HAUS6: variants seen among roughly 807,000 people sequenced by gnomAD.
HAUS6 encodes HAUS augmin like complex subunit 6.
A neutral mutation model predicts 106.8 loss-of-function variants in HAUS6; 80 were observed. The observed-to-expected ratio is 0.75, with a 90% CI of 0.63 to 0.90. HAUS6 has a LOEUF of 0.90. Among genes scored for constraint, HAUS6 ranks in the 40% least tolerant of loss-of-function variants. The pLI, the probability that HAUS6 is intolerant of heterozygous loss-of-function variation, is 0.00. For synonymous variants in HAUS6, 356 were observed against 379.1 expected, an observed-to-expected ratio of 0.94 and a Z score of 0.71; for missense variants, 1,155 against 1,118.1, an observed-to-expected ratio of 1.03 and a Z score of -0.47.
chr9:19,080,487 T>A lies in HAUS6; in HGVS notation c.1056A>T (p.Lys352Asn). 1.2e-6 allele frequency: 2 copies of A among 1,601,892 alleles called. No homozygotes were observed. The highest frequency in any genetic ancestry group is 1.1e-5 in the South Asian group (1 of 90,800). ...KFQKERLSDL[K>N]HMRYRIKDDL... Reference sequence around the variant, plus strand: ...AGATCTTTTTAGTGTACCTCATATGTTTCAGATCTGATAATCTTTCCTTCT... The same window carrying A: ...AGATCTTTTTAGTGTACCTCATATGATTCAGATCTGATAATCTTTCCTTCT... The change falls in exon 9 of 17, where the codon AAA becomes AAT. Residue 352 changes from lysine to asparagine, a missense_variant. By Grantham distance (94) the Lys-to-Asn change is moderately conservative. Coordinates refer to ENST00000380502, the MANE Select transcript of HAUS6 (RefSeq NM_017645.5).
At position 19,053,338 on chromosome 9, in the gene HAUS6, G is replaced by A. The variant is rs1836397461; in HGVS notation, c.*3005C>T. 6.6e-6 allele frequency: 1 copy of A among 152,114 alleles called. No individual in the cohort carries two copies. Among genetic ancestry groups the A allele is most frequent in the African/African-American group, 2.4e-5 (1 of 41,444 alleles). The allele number at this position is 152,114 out of a possible 1,614,324, so 9.4% of individuals were successfully genotyped here. A position where few individuals can be genotyped will look rare whatever the true frequency, so the allele number is the denominator to read the frequency against. On this transcript the variant is annotated 3_prime_UTR_variant, in exon 17 of 17. Transcript: ENST00000380502. Reference sequence around the variant, plus strand: ...TCAATGCTTTTACATTGAGGAAAACGTCATTAAACGTATTTTAATTTTAGT... The same window carrying A: ...TCAATGCTTTTACATTGAGGAAAACATCATTAAACGTATTTTAATTTTAGT...
intron 11 of HAUS6, among the ~76,000 whole-genome samples, chr9:19,072,926 C>T (rs9406758): frequency 2.6e-5 from 4 of 151,474 alleles, no homozygotes. Context: ...ATGAACTAAC[C>T]CTCCCTGGAT....
At position 19,074,508 on chromosome 9, in the gene HAUS6, G is replaced by A. The variant is rs556359402; in HGVS notation, c.1294+2094C>T. 1.1e-4 allele frequency among the ~76,000 whole-genome samples: 16 copies of A among 152,210 alleles called. No individual in the cohort carries two copies. In the East Asian group the frequency reaches 3.1e-3, roughly 30 times the overall value. ...GCTGGTCTCGAACTCCTGGGCTTAA[G>A]CAATCTTCCACCCTAGGCTTCCCAA... On this transcript the variant is annotated intron_variant, in intron 11 of 16. Transcript: ENST00000380502.
chr9:19,092,082 T>C (rs1817761765), intron 4 of HAUS6, among the ~76,000 whole-genome samples: 1 of 152,110 alleles, frequency 6.6e-6, no homozygotes, highest in African/African-American at 2.4e-5. Context: ...CCTATCAGAC[T>C]GAAAAGATTA....
At position 19,083,011 on chromosome 9, in the gene HAUS6, C is replaced by T. The variant is rs185455264; in HGVS notation, c.732G>A (p.Thr244=). Residue 244 remains threonine, a synonymous_variant, in exon 8 of 17, where the codon ACG becomes ACA. Coordinates refer to ENST00000380502, the MANE Select transcript of HAUS6 (RefSeq NM_017645.5). The part of the protein sequence containing the change: ...VRSLWASVNE[T]LMFLEKEREV... Reference sequence around the variant, plus strand: ...CTCTCTCTTTTTCCAAAAACATGAGCGTTTCATTCACTGAAGCCCACAAAG... The same window carrying T: ...CTCTCTCTTTTTCCAAAAACATGAGTGTTTCATTCACTGAAGCCCACAAAG... 121 of 1,588,184 alleles carry T rather than the reference C, an allele frequency of 7.6e-5. No homozygotes were observed. The Admixed American group carries it at 7.8e-4, about 10-fold the overall frequency.
chr9:19,083,695 G>C (rs35553284), intron 7 of HAUS6, among the ~76,000 whole-genome samples: 2 of 151,160 alleles, frequency 1.3e-5, no homozygotes, highest in African/African-American at 2.4e-5. Flanking sequence ...CCAGCTACTC[G>C]GGAGGCTGAG....
At chr9:19,070,445 C>T (rs923014641) in intron 11 of HAUS6, 145 bp from the exon 12 acceptor site, 2 of 608,394 alleles carry the variant, frequency 3.3e-6, no homozygotes, top group Admixed American at 3.0e-5. Context: ...CATAATTATT[C>T]AATTGATAAG....
At chr9:19,099,638 A>G (rs1001730345) in intron 1 of HAUS6, among the ~76,000 whole-genome samples, 3 of 152,144 alleles carry the variant, frequency 2.0e-5, no homozygotes, top group African/African-American at 7.2e-5. Context: ...GCCTAATTGC[A>G]TTTTTAAGAG....
chr9:19,086,714 C>A lies in HAUS6; in HGVS notation c.699+20G>T. On this transcript the variant is annotated intron_variant, in intron 7 of 16. Coordinates refer to ENST00000380502, the MANE Select transcript of HAUS6 (RefSeq NM_017645.5). ...CAGAATTTTAAAAGATTAAATTTCT[C>A]CTTTTATAAGTTGTCTCACCTTTTG... 9.3e-7 allele frequency: 1 copy of A among 1,077,242 alleles called. No individual in the cohort carries two copies. The highest frequency in any genetic ancestry group is 1.3e-5 in the South Asian group (1 of 75,762). The allele number at this position is 1,077,242 out of a possible 1,614,324, so 66.7% of individuals were successfully genotyped here.
Position 19,087,751 on chromosome 9 carries a change from G to A in HAUS6, c.585-595C>T, listed in dbSNP as rs111720867. Among the ~76,000 whole-genome samples, 655 of 145,336 alleles carry A rather than the reference G, an allele frequency of 4.5e-3. 8 individuals are homozygous for A. Among genetic ancestry groups the A allele is most frequent in the Non-Finnish European group, 7.6e-3 (511 of 67,050 alleles). ...ACGCCTGTACTCCCAGCTACAGTGGGAAGATCACTTGAGCCCAGGAGGTCA... is the reference window on the plus strand; with the variant it reads ...ACGCCTGTACTCCCAGCTACAGTGGAAAGATCACTTGAGCCCAGGAGGTCA... On this transcript the variant is annotated intron_variant, in intron 5 of 16. Transcript: ENST00000380502.
intron 11 of HAUS6, among the ~76,000 whole-genome samples, chr9:19,074,808 C>T (rs954256308): frequency 6.6e-6 from 1 of 152,170 alleles, no homozygotes; most frequent in Non-Finnish European, 1.5e-5. Context: ...TTTATTCATT[C>T]ATTCCTTATC....
chr9:19,063,828 T>G (rs1376095340), intron 12 of HAUS6: 1 of 670,072 alleles, frequency 1.5e-6, no homozygotes, highest in Admixed American at 1.8e-5. Flanking sequence ...TCAACAATAT[T>G]TTGATTTGAA....
rs1176742265 is a variant in HAUS6, at chr9:19,055,204, C to CT, written c.*1138dup. On this transcript the variant is annotated 3_prime_UTR_variant, in exon 17 of 17. Transcript: ENST00000380502. ...TCTTTCCTTGCCAGTTTTTTGGGGG[C>CT]TAGTGGACAAGATTTTGATGGTAGT... The CT allele has an allele frequency of 2.0e-5, 3 of 152,110 alleles. No homozygotes were observed. The highest frequency in any genetic ancestry group is 7.2e-5 in the African/African-American group (3 of 41,426). The allele number at this position is 152,110 out of a possible 1,614,324, so 9.4% of individuals were successfully genotyped here. A position where few individuals can be genotyped will look rare whatever the true frequency, so the allele number is the denominator to read the frequency against.
At chr9:19,101,775 T>C (rs1423922064) in intron 1 of HAUS6, among the ~76,000 whole-genome samples, 1 of 151,868 alleles carries the variant, frequency 6.6e-6, no homozygotes, top group Non-Finnish European at 1.5e-5. Flanking sequence ...CAAAAATTGG[T>C]TGGGCGTGGT....
chr9:19,070,287 T>C lies in HAUS6; in HGVS notation c.1308A>G (p.Gln436=), dbSNP rs762879353. 1.1e-5 allele frequency: 17 copies of C among 1,583,226 alleles called. No individual in the cohort carries two copies. In the African/African-American group the frequency reaches 1.3e-4, roughly 13 times the overall value. The change falls in exon 12 of 17, where the codon CAA becomes CAG. Residue 436 remains glutamine (Q), a synonymous_variant. Transcript: ENST00000380502. ...YPASLPDAHK[Q]HNQENGCRGD... ...CTCTGCAACCATTTTCTTGGTTATGTTGCTTATGTGCATCTAAAGAAATTT... is the reference window on the plus strand; with the variant it reads ...CTCTGCAACCATTTTCTTGGTTATGCTGCTTATGTGCATCTAAAGAAATTT...
chr9:19,061,228 T>C (rs1836610763), intron 14 of HAUS6, among the ~76,000 whole-genome samples: 1 of 152,108 alleles, frequency 6.6e-6, no homozygotes, highest in Non-Finnish European at 1.5e-5. Flanking sequence ...AAAAAGGGCT[T>C]CTCCCTCAAG....
At chr9:19,096,589 A>AAAAT in intron 2 of HAUS6, 85 bp downstream of exon 2, 1 of 500,044 alleles carries the variant, frequency 2.0e-6, no homozygotes, top group Non-Finnish European at 3.6e-6. Flanking sequence ...AAAAAAAAAA[A>AAAAT]GGAGAGAATT....
intron 12 of HAUS6, among the ~76,000 whole-genome samples, chr9:19,067,598 A>C (rs1029348721): frequency 2.0e-5 from 3 of 152,190 alleles, no homozygotes; most frequent in African/African-American, 7.2e-5. Flanking sequence ...TCCTATATTA[A>C]GAGTTTCCAT....
At chr9:19,092,301 A>C (rs9407939) in intron 4 of HAUS6, among the ~76,000 whole-genome samples, 37,378 of 150,940 alleles carry the variant, frequency 0.25, 4,700 homozygotes, top group Non-Finnish European at 0.28. Flanking sequence ...TAAAAAAAAA[A>C]AACAACAACA....
Sources: gnomAD v4.1 joint callset for allele counts (sites outside exome capture counted in the v4.1 genomes callset) on GRCh38, gnomAD v4.1.1 for gene constraint, MANE v1.5 for transcripts, NCBI Gene and HGNC (gene_info 2026-07-23, HGNC 2026-07-21) for gene names.